Variants in LOXL2 observed in about 807,000 individuals in gnomAD.
The protein encoded by LOXL2 is lysyl oxidase homolog 2.
In LOXL2, 70 loss-of-function variants were observed where a neutral mutation model predicts 93.0. The observed-to-expected ratio is 0.75, with a 90% confidence interval of 0.62 to 0.92. The LOEUF is 0.92. Ranked by LOEUF, LOXL2 falls within the 40% of genes least tolerant of loss-of-function variation. The pLI is 0.00. For missense variants in LOXL2, 973 were observed against 1,054.9 expected (o/e 0.92, Z 1.08); for synonymous variants, 438 against 413.2 (o/e 1.06, Z -0.73).
intron 10 of LOXL2, 113 bp from the exon 11 acceptor site, chr8:23,303,510 G>T: frequency 3.0e-6 from 2 of 666,760 alleles, no homozygotes; most frequent in Non-Finnish European, 5.4e-6. Flanking sequence ...ACCAGAGGGG[G>T]CCGGGTGGGG....
In LOXL2 at chr8:23,297,719, T is replaced by C; in HGVS notation, c.*324A>G. The C allele has an allele frequency of 3.8e-6, 1 of 263,240 alleles. No individual in the cohort carries two copies. The allele number at this position is 263,240 out of a possible 1,614,324, so 16.3% of individuals were successfully genotyped here. On this transcript the variant is annotated 3_prime_UTR_variant, in exon 14 of 14. Transcript: ENST00000389131. ...TCCACTGTGTCTGTGGTGAGCTCGG[T>C]GGCTTGAATGGGACAAGCTGATGAC...
intron 3 of LOXL2, among the ~76,000 whole-genome samples, chr8:23,349,578 C>T (rs575708784): frequency 2.0e-5 from 3 of 151,940 alleles, no homozygotes; most frequent in African/African-American, 7.2e-5. Context: ...AGGACGTCCA[C>T]ACGTTTGATT....
At chr8:23,306,556 G>A (rs1272854634) in intron 10 of LOXL2, among the ~76,000 whole-genome samples, 1 of 152,234 alleles carries the variant, frequency 6.6e-6, no homozygotes, top group African/African-American at 2.4e-5. Context: ...TTGGCTCCCA[G>A]GGGCCACGTC....
At chr8:23,393,922 G>C (rs1800053862) in intron 1 of LOXL2, among the ~76,000 whole-genome samples, 1 of 152,162 alleles carries the variant, frequency 6.6e-6, no homozygotes, top group Non-Finnish European at 1.5e-5. Context: ...TGGATCCCCT[G>C]TGCTCAACAC....
At chr8:23,362,731 C>A (rs184991650) in intron 2 of LOXL2, among the ~76,000 whole-genome samples, 1 of 151,558 alleles carries the variant, frequency 6.6e-6, no homozygotes, top group African/African-American at 2.4e-5. Context: ...GACCCTGTCT[C>A]CAGAAAAAAA....
Position 23,297,217 on chromosome 8 carries a change from G to A in LOXL2, c.*826C>T, listed in dbSNP as rs1461253341. 1 of 152,222 alleles carries A rather than the reference G, an allele frequency of 6.6e-6. No homozygotes were observed. Among genetic ancestry groups the A allele is most frequent in the South Asian group, 2.1e-4 (1 of 4,828 alleles). 9.4% of individuals were successfully genotyped at this position (152,222 alleles called of 1,614,324 possible). A position where few individuals can be genotyped will look rare whatever the true frequency, so the allele number is the denominator to read the frequency against. ...TTCTTTTATTCCAAGTTTCAAGTAT[G>A]TGTAAGTGTCTGTGATGACACATGG... is the stretch of plus-strand genomic sequence containing the variant. On this transcript the variant is annotated 3_prime_UTR_variant, in exon 14 of 14. Transcript: ENST00000389131.
At chr8:23,342,643 G>C (rs1007894168) in intron 3 of LOXL2, among the ~76,000 whole-genome samples, 1 of 152,182 alleles carries the variant, frequency 6.6e-6, no homozygotes, top group Non-Finnish European at 1.5e-5. Flanking sequence ...ATGTTAGCCA[G>C]GATGGTCTCG....
chr8:23,322,884 C>T (rs1803518130), intron 6 of LOXL2, among the ~76,000 whole-genome samples: 1 of 152,224 alleles, frequency 6.6e-6, no homozygotes, highest in East Asian at 1.9e-4. Context: ...CAGGCCCCTG[C>T]CCCGAAGAGC....
intron 1 of LOXL2, among the ~76,000 whole-genome samples, chr8:23,376,112 A>C (rs937603228): frequency 1.3e-5 from 2 of 149,986 alleles, no homozygotes; most frequent in Admixed American, 6.6e-5. Flanking sequence ...AGATACGTCT[A>C]ATCGATACCT....
intron 5 of LOXL2, among the ~76,000 whole-genome samples, chr8:23,330,810 T>A (rs1803662979): frequency 6.8e-6 from 1 of 146,844 alleles, no homozygotes; most frequent in Non-Finnish European, 1.5e-5. Flanking sequence ...GTGGTGGGGG[T>A]TTGGGGGGTG....
At chr8:23,354,556 A>G (rs1465747837) in intron 3 of LOXL2, among the ~76,000 whole-genome samples, 4 of 150,750 alleles carry the variant, frequency 2.7e-5, no homozygotes, top group African/African-American at 9.9e-5. Context: ...GAACCCAAGC[A>G]CACAATACAC....
At chr8:23,349,278 C>A (rs1360792309) in intron 3 of LOXL2, among the ~76,000 whole-genome samples, 8 of 152,308 alleles carry the variant, frequency 5.3e-5, no homozygotes, top group East Asian at 1.9e-4. Flanking sequence ...TCCTCTTTGA[C>A]CACAGTGCAT....
At chr8:23,359,233 C>T (rs189036406) in intron 3 of LOXL2, among the ~76,000 whole-genome samples, 81 of 152,284 alleles carry the variant, frequency 5.3e-4, no homozygotes, top group Admixed American at 4.7e-3. Context: ...CCCCAGCAAC[C>T]CTACCTGGTG....
rs149064092 is a variant in LOXL2, at chr8:23,393,062, A to G, written c.-84+10892T>C. Reference sequence around the variant, plus strand: ...ACATTGTTAAAAGAAATTAAAGACGATCTAAATAAATGGGAAAACATCCCA... The same window carrying G: ...ACATTGTTAAAAGAAATTAAAGACGGTCTAAATAAATGGGAAAACATCCCA... On this transcript the variant is annotated intron_variant, in intron 1 of 13. Coordinates refer to ENST00000389131, the MANE Select transcript of LOXL2 (RefSeq NM_002318.3). Among the ~76,000 whole-genome samples, 6 of 152,352 alleles carry G rather than the reference A, an allele frequency of 3.9e-5. No homozygotes were observed. In the East Asian group the frequency reaches 1.2e-3, roughly 29 times the overall value.
intron 3 of LOXL2, among the ~76,000 whole-genome samples, chr8:23,354,426 C>T (rs1470634437): frequency 6.6e-6 from 1 of 152,190 alleles, no homozygotes; most frequent in African/African-American, 2.4e-5. Flanking sequence ...GAATCTGCCC[C>T]TTCCAAACTG....
intron 1 of LOXL2, 166 bp downstream of exon 1, chr8:23,403,788 G>A (rs1800182995): frequency 6.6e-6 from 1 of 152,292 alleles, no homozygotes. Flanking sequence ...AGGAGGACCC[G>A]TTAGCCTGCA....
In LOXL2 at chr8:23,371,570, G is replaced by A. The variant is rs189280402; in HGVS notation, c.-83-3136C>T. On this transcript the variant is annotated intron_variant, in intron 1 of 13. Coordinates refer to ENST00000389131, the MANE Select transcript of LOXL2 (RefSeq NM_002318.3). ...GATCAAGCCCATCCCGGCTAACACG[G>A]TGAAACCCCGTCTCTACTAAAAATA... Among the ~76,000 whole-genome samples the A allele has an allele frequency of 2.2e-4, 34 of 151,794 alleles. No homozygotes were observed. In the East Asian group the frequency reaches 6.4e-3, roughly 29 times the overall value.
intron 4 of LOXL2, among the ~76,000 whole-genome samples, chr8:23,339,881 T>G (rs1292566705): frequency 6.6e-6 from 1 of 152,072 alleles, no homozygotes; most frequent in African/African-American, 2.4e-5. Flanking sequence ...GGCTGGGGGC[T>G]GGGACAAAAT....
intron 7 of LOXL2, among the ~76,000 whole-genome samples, chr8:23,320,986 T>TA (rs1803486938): frequency 6.6e-6 from 1 of 152,216 alleles, no homozygotes; most frequent in African/African-American, 2.4e-5. Flanking sequence ...AATCTGCTGT[T>TA]ATTCAAGCCA....
Sources: allele counts gnomAD v4.1 joint callset (sites outside exome capture counted in the v4.1 genomes callset), GRCh38; gene constraint gnomAD v4.1.1; transcripts MANE v1.5; gene names NCBI Gene and HGNC (gene_info 2026-07-23, HGNC 2026-07-21).